The following SLC25A48 variants were observed in gnomAD, a reference collection of about 807,000 sequenced individuals.
SLC25A48 encodes solute carrier family 25 member 48.
A neutral mutation model predicts 32.2 loss-of-function variants in SLC25A48; 29 were observed. That is an observed-to-expected ratio of 0.90 (90% CI 0.67 to 1.23). The LOEUF is 1.23. Among genes scored for constraint, SLC25A48 ranks in the 50% most tolerant of loss-of-function variants. The pLI is 0.00. For missense variants in SLC25A48, 399 were observed against 422.7 expected, an observed-to-expected ratio of 0.94 and a Z score of 0.49; for synonymous variants, 164 against 172.3, an observed-to-expected ratio of 0.95 and a Z score of 0.38.
chr5:135,608,577 C>A lies in SLC25A48; in HGVS notation c.-848-20660C>A, dbSNP rs31281. 3.7e-3 allele frequency among the ~76,000 whole-genome samples: 566 copies of A among 152,362 alleles called. 1 individual carries two copies. The highest frequency in any genetic ancestry group is 6.3e-3 in the Non-Finnish European group (431 of 68,034). On this transcript the variant is annotated intron_variant, in intron 1 of 10. Coordinates refer to the SLC25A48 transcript ENST00000646290. ...TGTGGGGCTGCGCCTGTCTTCTCCC[C>A]CTTCCAGCCATGGCTCTGCAGTTAC...
intron 3 of SLC25A48, among the ~76,000 whole-genome samples, chr5:135,809,669 A>G (rs1757550436): frequency 6.6e-6 from 1 of 152,078 alleles, no homozygotes; most frequent in South Asian, 2.1e-4. Flanking sequence ...CCTGGCAACC[A>G]CTGATCTGTC....
chr5:135,776,267 G>A, intron 3 of SLC25A48, among the ~76,000 whole-genome samples: 1 of 128,128 alleles, frequency 7.8e-6, no homozygotes, highest in Non-Finnish European at 1.7e-5. Context: ...CCTCATATCT[G>A]GGGGGTGGGG....
intron 4 of SLC25A48, chr5:135,822,088 G>C (rs1432591081): frequency 6.6e-6 from 1 of 152,190 alleles, no homozygotes; most frequent in Non-Finnish European, 1.5e-5. Context: ...GAGGGCCACT[G>C]GTCCACCACA....
Position 135,693,673 on chromosome 5 carries a change from C to T in SLC25A48, c.-521+58717C>T, listed in dbSNP as rs139502172. Among the ~76,000 whole-genome samples the T allele has an allele frequency of 5.7e-3, 866 of 152,334 alleles. 9 individuals carry two copies. The highest frequency in any genetic ancestry group is 0.019 in the African/African-American group (794 of 41,564). On this transcript the variant is annotated intron_variant, in intron 3 of 10. Coordinates refer to the SLC25A48 transcript ENST00000646290. Reference sequence around the variant, plus strand: ...ACCACCCGTGCCAAGCAGCCACTACCAACTGAATGGAATTGACACCAGAGT... The same window carrying T: ...ACCACCCGTGCCAAGCAGCCACTACTAACTGAATGGAATTGACACCAGAGT...
intron 3 of SLC25A48, among the ~76,000 whole-genome samples, chr5:135,753,811 T>C (rs1755829934): frequency 6.6e-6 from 1 of 151,914 alleles, no homozygotes; most frequent in South Asian, 2.1e-4. Context: ...ACTGTGATAT[T>C]AGCAGTCATA....
chr5:135,708,133 A>G (rs2094345368), intron 3 of SLC25A48, among the ~76,000 whole-genome samples: 1 of 152,184 alleles, frequency 6.6e-6, no homozygotes, highest in Non-Finnish European at 1.5e-5. Flanking sequence ...ATAGGGATAT[A>G]GATTCTATTC....
chr5:135,844,257 G>C (rs1047714295), intron 2 of SLC25A48, among the ~76,000 whole-genome samples: 9 of 152,176 alleles, frequency 5.9e-5, no homozygotes, highest in African/African-American at 2.2e-4. Flanking sequence ...TGGCCATCTG[G>C]GACCTCAGCC....
rs145156905 is a variant in SLC25A48 at position 135,602,755 on chromosome 5, C to T, written c.-849+23158C>T. On this transcript the variant is annotated intron_variant, in intron 1 of 10. Coordinates refer to the SLC25A48 transcript ENST00000646290. ...ATTAGGTATATCTCCTAATACTATCCCTCCCCTCTCCCCCCACCCCACGAC... is the reference window on the plus strand; with the variant it reads ...ATTAGGTATATCTCCTAATACTATCTCTCCCCTCTCCCCCCACCCCACGAC... Among the ~76,000 whole-genome samples, 1,062 of 152,016 alleles carry T rather than the reference C, an allele frequency of 7.0e-3. 17 individuals are homozygous for T. Among genetic ancestry groups the T allele is most frequent in the African/African-American group, 0.025 (1,027 of 41,408 alleles).
At chr5:135,863,387 G>C (rs185427327) in intron 4 of SLC25A48, among the ~76,000 whole-genome samples, 21 of 152,294 alleles carry the variant, frequency 1.4e-4, no homozygotes, top group African/African-American at 5.1e-4. Context: ...GGAAGCATCA[G>C]GGCTGCAGGT....
At chr5:135,779,077 G>A (rs370930863) in intron 3 of SLC25A48, among the ~76,000 whole-genome samples, 2 of 151,626 alleles carry the variant, frequency 1.3e-5, no homozygotes, top group Non-Finnish European at 1.5e-5. Flanking sequence ...AACCCCCTGT[G>A]ATATTTTTCT....
chr5:135,686,890 G>A (rs183019469), intron 3 of SLC25A48, among the ~76,000 whole-genome samples: 4 of 152,218 alleles, frequency 2.6e-5, no homozygotes, highest in Non-Finnish European at 2.9e-5. Flanking sequence ...TCTGGGAAGA[G>A]CTTCATTTAT....
At chr5:135,750,602 G>A (rs1182207373) in intron 3 of SLC25A48, among the ~76,000 whole-genome samples, 1 of 152,098 alleles carries the variant, frequency 6.6e-6, no homozygotes. Context: ...TGAGTGGGGT[G>A]GCATACCTAT....
At chr5:135,877,049 T>G (rs960978695) in intron 6 of SLC25A48, among the ~76,000 whole-genome samples, 3 of 152,208 alleles carry the variant, frequency 2.0e-5, no homozygotes, top group Non-Finnish European at 4.4e-5. Flanking sequence ...GCATTAATAA[T>G]GACGATGGTG....
Position 135,852,777 on chromosome 5 carries a change from TC to T in SLC25A48, c.378del (p.Ile127SerfsTer19), listed in dbSNP as rs937296238. 1.2e-6 allele frequency: 2 copies of T among 1,613,414 alleles called. No homozygotes were observed. Among genetic ancestry groups the T allele is most frequent in the Non-Finnish European group, 1.7e-6 (2 of 1,179,412 alleles). Reference protein sequence around the residue: ...VSVGLGGPVDLIKIRLQMQTQ... With the variant: ...VSVGLGGPVDXIKIRLQMQTQ... Reference sequence around the variant, plus strand: ...GTCGGGCTGGGAGGGCCCGTGGACCTCATCAAGATCCGGTTGCAGATGCAGA... The same window carrying T: ...GTCGGGCTGGGAGGGCCCGTGGACCTATCAAGATCCGGTTGCAGATGCAGA... On this transcript the variant is annotated frameshift_variant, in exon 4 of 8. Coordinates refer to ENST00000681962, the MANE Select transcript of SLC25A48 (RefSeq NM_001349336.2). LOFTEE classifies it high-confidence loss of function.
intron 3 of SLC25A48, among the ~76,000 whole-genome samples, chr5:135,719,858 G>T (rs1370186593): frequency 6.6e-6 from 1 of 152,136 alleles, no homozygotes; most frequent in Non-Finnish European, 1.5e-5. Context: ...GCCATCTCCT[G>T]CAGTAGAGAT....
intron 3 of SLC25A48, among the ~76,000 whole-genome samples, chr5:135,797,280 C>T (rs1432611862): frequency 2.6e-5 from 4 of 151,820 alleles, no homozygotes; most frequent in Non-Finnish European, 4.4e-5. Flanking sequence ...GGGGCTGTGA[C>T]ATTGTTATAT....
At chr5:135,813,808 G>T (rs1757647297) in intron 4 of SLC25A48, among the ~76,000 whole-genome samples, 1 of 152,190 alleles carries the variant, frequency 6.6e-6, no homozygotes, top group Non-Finnish European at 1.5e-5. Flanking sequence ...AACTTTCCCA[G>T]AGGGCAAGAG....
chr5:135,841,116 C>A (rs776225672), intron 1 of SLC25A48, among the ~76,000 whole-genome samples: 1 of 152,118 alleles, frequency 6.6e-6, no homozygotes, highest in African/African-American at 2.4e-5. Flanking sequence ...TATCCTAGTG[C>A]GTGTGAAGAC....
intron 3 of SLC25A48, among the ~76,000 whole-genome samples, chr5:135,734,040 C>T (rs750568521): frequency 1.3e-5 from 2 of 152,044 alleles, no homozygotes; most frequent in Non-Finnish European, 2.9e-5. Flanking sequence ...ATTTTAGGCT[C>T]TAAAAGGCCA....
Sources: gnomAD v4.1 joint callset for allele counts (sites outside exome capture counted in the v4.1 genomes callset) on GRCh38, gnomAD v4.1.1 for gene constraint, MANE v1.5 for transcripts, NCBI Gene and HGNC (gene_info 2026-07-23, HGNC 2026-07-21) for gene names.